CACNB2: variants seen among roughly 807,000 people sequenced by gnomAD.
CACNB2 encodes the protein calcium voltage-gated channel auxiliary subunit beta 2.
Under a neutral mutation model 73.3 loss-of-function variants are expected in CACNB2, and 42 were observed. The ratio of observed to expected loss-of-function variants is 0.57; its 90% CI spans 0.45 to 0.74. CACNB2 has a LOEUF of 0.74. Ranked by LOEUF, CACNB2 falls within the 30% of genes least tolerant of loss-of-function variation. CACNB2 has a pLI of 0.00. For synonymous variants in CACNB2, 348 were observed against 310.3 expected, an observed-to-expected ratio of 1.12 and a Z score of -1.28; for missense variants, 940 against 853.0, an observed-to-expected ratio of 1.10 and a Z score of -1.27.
intron 2 of CACNB2, among the ~76,000 whole-genome samples, chr10:18,165,113 A>G (rs2183719): frequency 6.6e-6 from 1 of 151,908 alleles, no homozygotes; most frequent in Admixed American, 6.6e-5. Context: ...TGGTGGGTAC[A>G]CGGGGAGGCG....
chr10:18,243,666 G>C (rs1340968850), intron 2 of CACNB2, among the ~76,000 whole-genome samples: 1 of 152,140 alleles, frequency 6.6e-6, no homozygotes, highest in Non-Finnish European at 1.5e-5. Context: ...GTTCCTGCAA[G>C]AGCAGGATGG....
chr10:18,476,010 C>T (rs2048421852), intron 3 of CACNB2, among the ~76,000 whole-genome samples: 1 of 152,196 alleles, frequency 6.6e-6, no homozygotes, highest in African/African-American at 2.4e-5. Flanking sequence ...AGAATGGCTA[C>T]TCCATAGGCA....
intron 2 of CACNB2, among the ~76,000 whole-genome samples, chr10:18,153,563 C>CTTATGTAT (rs1554760725): frequency 2.1e-5 from 3 of 142,644 alleles, no homozygotes; most frequent in Non-Finnish European, 4.5e-5. Flanking sequence ...CTAGATTTTA[C>CTTATGTAT]TTATTTATTT....
intron 9 of CACNB2, 139 bp from the exon 10 acceptor site, chr10:18,527,445 ATAAG>A (rs569586580): frequency 9.1e-4 from 574 of 633,066 alleles, no homozygotes; most frequent in Non-Finnish European, 1.4e-3. Flanking sequence ...AAAAAAATGA[ATAAG>A]TAAGTATCCT....
intron 3 of CACNB2, among the ~76,000 whole-genome samples, chr10:18,405,803 T>C (rs1358024754): frequency 6.6e-6 from 1 of 151,990 alleles, no homozygotes; most frequent in Non-Finnish European, 1.5e-5. Context: ...ACTAAAAATA[T>C]AAAAATTAGC....
chr10:18,338,779 C>G (rs2041115034), intron 2 of CACNB2, among the ~76,000 whole-genome samples: 1 of 144,512 alleles, frequency 6.9e-6, no homozygotes, highest in Non-Finnish European at 1.5e-5. Context: ...CTTGGCTCCA[C>G]CCAGGCTGCA....
intron 3 of CACNB2, among the ~76,000 whole-genome samples, chr10:18,405,289 T>A (rs1364202994): frequency 6.6e-6 from 1 of 152,166 alleles, no homozygotes. Context: ...CCTGTCCCCA[T>A]GCGTAGAACC....
intron 3 of CACNB2, among the ~76,000 whole-genome samples, chr10:18,428,836 T>C (rs1382048236): frequency 1.3e-5 from 2 of 152,228 alleles, no homozygotes; most frequent in Non-Finnish European, 2.9e-5. Flanking sequence ...AAATCTAAAG[T>C]TAACCAGTTA....
intron 3 of CACNB2, among the ~76,000 whole-genome samples, chr10:18,435,112 A>T (rs890251668): frequency 6.6e-6 from 1 of 152,064 alleles, no homozygotes; most frequent in Non-Finnish European, 1.5e-5. Flanking sequence ...TCTGCATGTC[A>T]CACAAGGATA....
chr10:18,537,080 C>T (rs2053675376), intron 12 of CACNB2, among the ~76,000 whole-genome samples: 1 of 152,144 alleles, frequency 6.6e-6, no homozygotes, highest in East Asian at 2.0e-4. Flanking sequence ...CTCTGCCTCC[C>T]GGGCTCAAGT....
chr10:18,258,717 A>C (rs2037393104), intron 2 of CACNB2, among the ~76,000 whole-genome samples: 1 of 152,072 alleles, frequency 6.6e-6, no homozygotes, highest in Non-Finnish European at 1.5e-5. Context: ...CAAGAGCGAA[A>C]CTCTGTGTCA....
At chr10:18,193,605 G>T (rs1032584486) in intron 2 of CACNB2, among the ~76,000 whole-genome samples, 5 of 152,158 alleles carry the variant, frequency 3.3e-5, no homozygotes, top group Non-Finnish European at 7.4e-5. Context: ...CAGCATCTGA[G>T]CTCCCCACTC....
chr10:18,210,295 A>G (rs914442496), intron 2 of CACNB2, among the ~76,000 whole-genome samples: 1 of 152,226 alleles, frequency 6.6e-6, no homozygotes, highest in Admixed American at 6.5e-5. Context: ...AGAGAAATGT[A>G]TATACATGCA....
intron 2 of CACNB2, among the ~76,000 whole-genome samples, chr10:18,396,755 G>A (rs1425078155): frequency 6.6e-6 from 1 of 152,208 alleles, no homozygotes; most frequent in African/African-American, 2.4e-5. Flanking sequence ...ACAGTTGTGA[G>A]CTATTGTGCC....
chr10:18,453,871 G>C (rs1234140075), intron 3 of CACNB2, among the ~76,000 whole-genome samples: 1 of 152,110 alleles, frequency 6.6e-6, no homozygotes, highest in Non-Finnish European at 1.5e-5. Flanking sequence ...CTGACCTCAG[G>C]TCATTTGCCT....
At chr10:18,185,997 C>A (rs989519161) in intron 2 of CACNB2, among the ~76,000 whole-genome samples, 1 of 151,954 alleles carries the variant, frequency 6.6e-6, no homozygotes, top group African/African-American at 2.4e-5. Context: ...AAGAAAGCTT[C>A]TTTTAGTTGA....
chr10:18,458,312 GAAA>G (rs1423217739), intron 3 of CACNB2, among the ~76,000 whole-genome samples: 1 of 152,128 alleles, frequency 6.6e-6, no homozygotes, highest in Non-Finnish European at 1.5e-5. Context: ...AAAAGTCTAG[GAAA>G]TGTGAAAATT....
At chr10:18,169,509 G>A (rs182914394) in intron 2 of CACNB2, among the ~76,000 whole-genome samples, 3 of 152,270 alleles carry the variant, frequency 2.0e-5, no homozygotes, top group Admixed American at 2.0e-4. Context: ...AGTGATAACA[G>A]GCATAATTGT....
intron 2 of CACNB2, among the ~76,000 whole-genome samples, chr10:18,325,975 G>A (rs1299035279): frequency 5.3e-5 from 8 of 151,850 alleles, no homozygotes; most frequent in Non-Finnish European, 1.0e-4. Context: ...GAACTCCTGG[G>A]CTCAAACTCC....
Sources: allele counts gnomAD v4.1 joint callset (sites outside exome capture counted in the v4.1 genomes callset), GRCh38; gene constraint gnomAD v4.1.1; transcripts MANE v1.5; gene names NCBI Gene and HGNC (gene_info 2026-07-23, HGNC 2026-07-21).